SENP6: variants seen among roughly 807,000 people sequenced by gnomAD.
The protein encoded by SENP6 is SUMO specific peptidase 6, also known as sentrin-specific protease 6.
In SENP6, 41 loss-of-function variants were observed where a neutral mutation model predicts 134.5. The observed-to-expected ratio is 0.30, with a 90% CI of 0.24 to 0.40. SENP6 has a LOEUF of 0.40. Ranked by LOEUF, SENP6 falls within the 10% of genes least tolerant of loss-of-function variation. The pLI is 1.00. For missense variants in SENP6, 1,248 were observed against 1,312.5 expected (o/e 0.95, Z 0.76); for synonymous variants, 395 against 429.8 (o/e 0.92, Z 1.00).
intron 1 of SENP6, among the ~76,000 whole-genome samples, chr6:75,605,380 T>G (rs1766954112): frequency 6.6e-6 from 1 of 152,200 alleles, no homozygotes; most frequent in Admixed American, 6.5e-5. Context: ...TGTAATAAAC[T>G]GTGAAAAAGT....
chr6:75,693,409 T>TA (rs534341760), intron 16 of SENP6, among the ~76,000 whole-genome samples: 32,068 of 123,902 alleles, frequency 0.26, 4,566 homozygotes, highest in Middle Eastern at 0.37. Context: ...GTCTGAAATT[T>TA]AAAAAAAAAA....
At chr6:75,707,344 T>C (rs1341469654) in intron 19 of SENP6, among the ~76,000 whole-genome samples, 1 of 144,058 alleles carries the variant, frequency 6.9e-6, no homozygotes, top group African/African-American at 2.6e-5. Context: ...ATTTTTTTCT[T>C]TCTTCTTCTT....
intron 1 of SENP6, among the ~76,000 whole-genome samples, chr6:75,619,473 G>A (rs201832020): frequency 2.9e-5 from 4 of 137,890 alleles, no homozygotes; most frequent in Non-Finnish European, 4.7e-5. Context: ...GTGTGTGTGT[G>A]TACATATGTA....
At chr6:75,602,748 C>T (rs576989370) in intron 1 of SENP6, among the ~76,000 whole-genome samples, 172 bp downstream of exon 1, 78 of 152,178 alleles carry the variant, frequency 5.1e-4, no homozygotes, top group South Asian at 3.9e-3. Flanking sequence ...GGTTCGAGTC[C>T]GCCTAGGCGA....
intron 18 of SENP6, 92 bp downstream of exon 18, chr6:75,697,609 A>G (rs915628744): frequency 8.5e-6 from 7 of 826,238 alleles, no homozygotes; most frequent in Admixed American, 2.5e-5. Flanking sequence ...AATTCATTTT[A>G]AAACATCTTT....
Position 75,616,682 on chromosome 6 carries a change from GTTGCAGTGAGTTGAGA to G in SENP6, c.53-4845_53-4830del, listed in dbSNP as rs1486138643. On this transcript the variant is annotated intron_variant, in intron 1 of 23. Coordinates refer to ENST00000447266, the MANE Select transcript of SENP6 (RefSeq NM_015571.4). ...AATCACTTGAACCCGGGAGGCGGAG[GTTGCAGTGAGTTGAGA>G]TTGCGCCACTGCACTCCAGCCTGGG... Among the ~76,000 whole-genome samples, 3 of 149,438 alleles carry G rather than the reference GTTGCAGTGAGTTGAGA, an allele frequency of 2.0e-5. No individual in the cohort carries two copies. In the East Asian group the frequency reaches 5.9e-4, roughly 30 times the overall value.
At chr6:75,602,891 G>A (rs1049196719) in intron 1 of SENP6, among the ~76,000 whole-genome samples, 1 of 152,222 alleles carries the variant, frequency 6.6e-6, no homozygotes, top group South Asian at 2.1e-4. Flanking sequence ...GGTGGCCTAA[G>A]GATGAGAGCA....
At chr6:75,712,171 C>A (rs1775788580) in intron 21 of SENP6, among the ~76,000 whole-genome samples, 1 of 152,140 alleles carries the variant, frequency 6.6e-6, no homozygotes, top group Non-Finnish European at 1.5e-5. Context: ...GTCAGTTTTG[C>A]TTTTCAGAAG....
chr6:75,697,380 C>A, intron 17 of SENP6, 45 bp from the exon 18 acceptor site: 1 of 1,308,226 alleles, frequency 7.6e-7, no homozygotes, highest in Non-Finnish European at 1.1e-6. Flanking sequence ...TAAGCTGGAG[C>A]ACTAGAAATA....
At position 75,625,093 on chromosome 6, in the gene SENP6, A is replaced by G. The variant is rs181399956; in HGVS notation, c.207+1133A>G. 2.7e-3 allele frequency among the ~76,000 whole-genome samples: 398 copies of G among 147,676 alleles called. 1 individual carries two copies. Among genetic ancestry groups the G allele is most frequent in the Non-Finnish European group, 4.4e-3 (298 of 67,462 alleles). On this transcript the variant is annotated intron_variant, in intron 3 of 23. Transcript: ENST00000447266. ...TTGCTGTGATACTAGTTGCTAATAT[A>G]TATACGTGTGTGTGTGTCCTTTTTT... is the stretch of plus-strand genomic sequence containing the variant.
At chr6:75,617,365 C>T (rs1262355649) in intron 1 of SENP6, among the ~76,000 whole-genome samples, 1 of 143,338 alleles carries the variant, frequency 7.0e-6, no homozygotes, top group East Asian at 2.1e-4. Context: ...CCTCCGTCTC[C>T]TGGGTTCAAG....
At chr6:75,672,891 A>G (rs555566121) in intron 11 of SENP6, among the ~76,000 whole-genome samples, 168 of 152,138 alleles carry the variant, frequency 1.1e-3, no homozygotes, top group African/African-American at 3.8e-3. Flanking sequence ...GCAGTGGCGC[A>G]ATCTCGGCTC....
intron 18 of SENP6, among the ~76,000 whole-genome samples, chr6:75,700,985 C>A (rs969866487): frequency 6.6e-6 from 1 of 152,204 alleles, no homozygotes; most frequent in Admixed American, 6.5e-5. Context: ...TTTCATCCAT[C>A]TGGACTTCGC....
chr6:75,617,130 C>G (rs1767908646), intron 1 of SENP6, among the ~76,000 whole-genome samples: 1 of 152,112 alleles, frequency 6.6e-6, no homozygotes, highest in African/African-American at 2.4e-5. Context: ...CTGCCCACTT[C>G]AGCCTCACAA....
At chr6:75,615,265 T>C (rs956231046) in intron 1 of SENP6, among the ~76,000 whole-genome samples, 1 of 152,136 alleles carries the variant, frequency 6.6e-6, no homozygotes, top group East Asian at 1.9e-4. Context: ...ACTCAACCTC[T>C]GCCTTGTGGG....
intron 7 of SENP6, among the ~76,000 whole-genome samples, chr6:75,649,817 T>C: frequency 6.6e-6 from 1 of 152,188 alleles, no homozygotes. Flanking sequence ...GCCTGGCCCT[T>C]AACCTATTAT....
At chr6:75,648,765 A>G (rs1770642760) in intron 7 of SENP6, among the ~76,000 whole-genome samples, 1 of 152,188 alleles carries the variant, frequency 6.6e-6, no homozygotes, top group South Asian at 2.1e-4. Flanking sequence ...ACTCTGCTAT[A>G]TGCTTAGTCC....
intron 2 of SENP6, chr6:75,622,715 A>G (rs916189786): frequency 2.3e-5 from 24 of 1,051,776 alleles, no homozygotes; most frequent in Non-Finnish European, 3.1e-5. Flanking sequence ...TTTTTATACA[A>G]GAAGTCATTC....
At chr6:75,645,743 G>A (rs2149847413) in intron 6 of SENP6, among the ~76,000 whole-genome samples, 1 of 152,020 alleles carries the variant, frequency 6.6e-6, no homozygotes, top group South Asian at 2.1e-4. Context: ...ATCTTGAAAT[G>A]TTTATATTCT....
Sources: gnomAD v4.1 joint callset for allele counts (sites outside exome capture counted in the v4.1 genomes callset) on GRCh38, gnomAD v4.1.1 for gene constraint, MANE v1.5 for transcripts, NCBI Gene and HGNC (gene_info 2026-07-23, HGNC 2026-07-21) for gene names.